MSI2: variants seen among roughly 807,000 people sequenced by gnomAD.
MSI2 encodes the protein RNA-binding protein Musashi homolog 2.
MSI2 carries 17 observed loss-of-function variants against 45.6 expected under a neutral mutation model. The ratio of observed to expected loss-of-function variants is 0.37; its 90% CI spans 0.26 to 0.56. The LOEUF (loss-of-function observed/expected upper bound fraction) is 0.56. Ranked by LOEUF, MSI2 falls within the 20% of genes least tolerant of loss-of-function variation. The pLI is 0.77. For missense variants in MSI2, 293 were observed against 444.2 expected (o/e 0.66, Z 3.06); for synonymous variants, 156 against 158.2 (o/e 0.99, Z 0.11).
At chr17:57,410,036 G>A (rs908503757) in intron 6 of MSI2, among the ~76,000 whole-genome samples, 6 of 114,658 alleles carry the variant, frequency 5.2e-5, no homozygotes, top group Admixed American at 5.2e-4. Flanking sequence ...TGGGGAGTAT[G>A]GGAGCCAGTG....
chr17:57,499,756 C>T (rs1381010907), intron 6 of MSI2, among the ~76,000 whole-genome samples: 1 of 152,202 alleles, frequency 6.6e-6, no homozygotes, highest in Non-Finnish European at 1.5e-5. Flanking sequence ...CTAGTGGCTG[C>T]CACTGGCACA....
chr17:57,493,250 C>T (rs2143819262), intron 6 of MSI2, among the ~76,000 whole-genome samples: 1 of 152,220 alleles, frequency 6.6e-6, no homozygotes, highest in South Asian at 2.1e-4. Context: ...AGCTTTGGGG[C>T]ATTTTATGTC....
chr17:57,489,507 G>A (rs757749738), intron 6 of MSI2, among the ~76,000 whole-genome samples: 2 of 152,242 alleles, frequency 1.3e-5, no homozygotes, highest in Non-Finnish European at 2.9e-5. Flanking sequence ...ATTCCAGAGT[G>A]GCCAGGGAGG....
intron 6 of MSI2, among the ~76,000 whole-genome samples, chr17:57,499,692 T>C (rs2086059782): frequency 6.6e-6 from 1 of 152,076 alleles, no homozygotes; most frequent in Admixed American, 6.6e-5. Context: ...CTCAACTGAG[T>C]GGTTCAGGCT....
intron 5 of MSI2, among the ~76,000 whole-genome samples, chr17:57,393,545 G>T (rs1260621504): frequency 6.6e-6 from 1 of 152,138 alleles, no homozygotes; most frequent in African/African-American, 2.4e-5. Context: ...TATTTGGGTT[G>T]TTCTATTTTT....
chr17:57,565,418 C>A lies in MSI2; in HGVS notation c.455-31450C>A, dbSNP rs541351588. Among the ~76,000 whole-genome samples the A allele has an allele frequency of 3.3e-5, 5 of 152,336 alleles. No individual in the cohort carries two copies. In the Middle Eastern group the frequency reaches 0.014, roughly 415 times the overall value. On this transcript the variant is annotated intron_variant, in intron 7 of 13. Transcript: ENST00000284073. ...CCCGGAGGCTTCCCTGACTTTGCAC[C>A]TGCCCTTGTCTCCACCTGGAATGTC...
intron 11 of MSI2, among the ~76,000 whole-genome samples, chr17:57,661,853 G>A (rs891984027): frequency 7.2e-5 from 11 of 152,120 alleles, no homozygotes; most frequent in Admixed American, 2.6e-4. Context: ...GTGCCAGAAA[G>A]CCATACCTGA....
At chr17:57,593,311 G>C (rs545821160) in intron 7 of MSI2, among the ~76,000 whole-genome samples, 6 of 152,120 alleles carry the variant, frequency 3.9e-5, no homozygotes, top group Non-Finnish European at 4.4e-5. Flanking sequence ...CACAAACTTC[G>C]TGGCTTAAAA....
intron 5 of MSI2, among the ~76,000 whole-genome samples, chr17:57,293,602 TTTTTG>T (rs1567740202): frequency 3.4e-5 from 5 of 147,504 alleles, no homozygotes; most frequent in African/African-American, 1.3e-4. Context: ...TTTGTTTTTT[TTTTTG>T]TTTTTTTTTG....
At chr17:57,597,036 C>A in intron 8 of MSI2, 86 bp downstream of exon 8, 1 of 1,005,782 alleles carries the variant, frequency 9.9e-7, no homozygotes, top group Non-Finnish European at 1.6e-6. Context: ...AGCCCATCAT[C>A]AGGCTGGAGT....
chr17:57,453,247 C>A (rs2085052249), intron 6 of MSI2, among the ~76,000 whole-genome samples: 1 of 152,154 alleles, frequency 6.6e-6, no homozygotes, highest in African/African-American at 2.4e-5. Flanking sequence ...GCAATCTGCC[C>A]ACCTCAGCCT....
intron 7 of MSI2, among the ~76,000 whole-genome samples, chr17:57,583,663 G>T (rs1267408664): frequency 6.6e-6 from 1 of 151,986 alleles, no homozygotes; most frequent in African/African-American, 2.4e-5. Context: ...TTGTAGAGAT[G>T]TGGTTTCACT....
At chr17:57,621,658 C>T (rs1310744423) in intron 9 of MSI2, among the ~76,000 whole-genome samples, 1 of 152,208 alleles carries the variant, frequency 6.6e-6, no homozygotes, top group Non-Finnish European at 1.5e-5. Context: ...GTGGTCTCTT[C>T]AGAGGGAGGC....
intron 5 of MSI2, among the ~76,000 whole-genome samples, chr17:57,344,195 C>A (rs1915404237): frequency 6.6e-6 from 1 of 152,222 alleles, no homozygotes; most frequent in South Asian, 2.1e-4. Flanking sequence ...TCTTTATTTA[C>A]CACTTGGCCC....
chr17:57,356,476 A>G (rs1485958015), intron 5 of MSI2, among the ~76,000 whole-genome samples: 1 of 152,126 alleles, frequency 6.6e-6, no homozygotes, highest in Non-Finnish European at 1.5e-5. Context: ...ATGTACAGAG[A>G]AGAAAGAACA....
chr17:57,469,359 T>G (rs1555610113), intron 6 of MSI2, among the ~76,000 whole-genome samples: 1 of 152,250 alleles, frequency 6.6e-6, no homozygotes, highest in Non-Finnish European at 1.5e-5. Context: ...TAATGGAGAT[T>G]TAGAACCCAT....
chr17:57,446,111 A>G (rs760885875), intron 6 of MSI2, among the ~76,000 whole-genome samples: 1 of 152,120 alleles, frequency 6.6e-6, no homozygotes, highest in Non-Finnish European at 1.5e-5. Flanking sequence ...TGCAGAGGAA[A>G]TGGAAGAAAG....
In MSI2 at chr17:57,612,131, G is replaced by A. The variant is rs931820190; in HGVS notation, c.538-3839G>A. On this transcript the variant is annotated intron_variant, in intron 8 of 13. Coordinates refer to ENST00000284073, the MANE Select transcript of MSI2 (RefSeq NM_138962.4). ...GGAGGACAGCAGGGGAAGGTGACCC[G>A]ATGTGGGCTAACTCAAGACGCTCGA... is the stretch of plus-strand genomic sequence containing the variant. 5.2e-5 allele frequency among the ~76,000 whole-genome samples: 5 copies of A among 95,388 alleles called. 2 individuals carry two copies. The highest frequency in any genetic ancestry group is 1.3e-4 in the African/African-American group (4 of 30,632). 62.6% of individuals were successfully genotyped at this position (95,388 alleles called of 152,430 possible). A position where few individuals can be genotyped will look rare whatever the true frequency, so the allele number is the denominator to read the frequency against.
At chr17:57,561,314 T>G (rs1295099001) in intron 7 of MSI2, among the ~76,000 whole-genome samples, 1 of 152,158 alleles carries the variant, frequency 6.6e-6, no homozygotes, top group Non-Finnish European at 1.5e-5. Flanking sequence ...ACACTGTATG[T>G]GCAGTTGCGT....
Sources: allele counts gnomAD v4.1 joint callset (sites outside exome capture counted in the v4.1 genomes callset), GRCh38; gene constraint gnomAD v4.1.1; transcripts MANE v1.5; gene names NCBI Gene and HGNC (gene_info 2026-07-23, HGNC 2026-07-21).